Variants in MCTP2 observed in about 807,000 individuals in gnomAD.
MCTP2 encodes multiple C2 and transmembrane domain-containing protein 2.
A neutral mutation model predicts 111.6 loss-of-function variants in MCTP2; 132 were observed. The ratio of observed to expected loss-of-function variants is 1.18; its 90% CI spans 1.03 to 1.37. The LOEUF is 1.37. MCTP2 is among the 40% of genes most tolerant of loss of function. MCTP2 has a pLI of 0.00. For missense variants in MCTP2, 1,183 were observed against 1,067.9 expected (o/e 1.11, Z -1.50); for synonymous variants, 395 against 387.7 (o/e 1.02, Z -0.22).
chr15:94,293,712 A>T (rs1049809134), intron 1 of MCTP2, among the ~76,000 whole-genome samples: 14 of 152,234 alleles, frequency 9.2e-5, no homozygotes, highest in Non-Finnish European at 5.9e-5. Flanking sequence ...TCCTGATGGT[A>T]CTAAGTCCTC....
intron 7 of MCTP2, 173 bp downstream of exon 7, chr15:94,341,097 T>A (rs980725975): frequency 2.1e-5 from 11 of 516,336 alleles, no homozygotes; most frequent in African/African-American, 1.9e-4. Context: ...ATGCTCTTCT[T>A]TGAGGAACCG....
rs2080810608 is a variant in MCTP2 at position 94,390,072 on chromosome 15, ATATATATATATATATATGT to A, written c.1788+4548_1788+4566del. On this transcript the variant is annotated intron_variant, in intron 14 of 22. Coordinates refer to ENST00000357742, the MANE Select transcript of MCTP2 (RefSeq NM_001385001.1). ...GGCATATATATATATATATATATAT[ATATATATATATATATATGT>A]ATATATATATATATATATATATGTA... is the stretch of plus-strand genomic sequence containing the variant. Among the ~76,000 whole-genome samples the A allele has an allele frequency of 1.2e-4, 2 of 16,646 alleles. 1 individual carries two copies. Among genetic ancestry groups the A allele is most frequent in the Non-Finnish European group, 2.9e-4 (2 of 6,902 alleles). 10.9% of individuals were successfully genotyped at this position (16,646 alleles called of 152,430 possible).
chr15:94,347,721 G>A (rs1025276897), intron 8 of MCTP2, among the ~76,000 whole-genome samples: 3 of 151,936 alleles, frequency 2.0e-5, no homozygotes, highest in South Asian at 2.1e-4. Flanking sequence ...CTTATTTCCC[G>A]CTTTTCTAAT....
chr15:94,293,020 A>G (rs1182026353), intron 1 of MCTP2: 2 of 152,286 alleles, frequency 1.3e-5, no homozygotes, highest in South Asian at 2.1e-4. Context: ...ATTCACATGT[A>G]AAAAATGAAC....
intron 12 of MCTP2, among the ~76,000 whole-genome samples, chr15:94,373,366 C>T (rs2079587028): frequency 6.6e-6 from 1 of 151,976 alleles, no homozygotes; most frequent in African/African-American, 2.4e-5. Context: ...GTTGTTTTAT[C>T]TATAAAGGAA....
At chr15:94,314,436 TAAAAAA>T in intron 3 of MCTP2, 92 bp downstream of exon 3, 2 of 619,294 alleles carry the variant, frequency 3.2e-6, no homozygotes, top group Non-Finnish European at 2.6e-6. Flanking sequence ...CTTTTATTGC[TAAAAAA>T]AAAAAAAAAA....
At chr15:94,325,785 C>G (rs1244606065) in intron 4 of MCTP2, among the ~76,000 whole-genome samples, 2 of 145,622 alleles carry the variant, frequency 1.4e-5, no homozygotes, top group Admixed American at 1.4e-4. Context: ...TACCGAAATT[C>G]TGAACCTACT....
intron 9 of MCTP2, 51 bp from the exon 10 acceptor site, chr15:94,358,431 G>A (rs774571432): frequency 2.6e-6 from 4 of 1,524,198 alleles, no homozygotes; most frequent in Non-Finnish European, 3.6e-6. Flanking sequence ...AGCTTCTGTA[G>A]CAATGAATGA....
At position 94,330,192 on chromosome 15, in the gene MCTP2, A is replaced by G. The variant is rs912682579; in HGVS notation, c.638-9098A>G. Among the ~76,000 whole-genome samples, 5 of 152,174 alleles carry G rather than the reference A, an allele frequency of 3.3e-5. No individual in the cohort carries two copies. The East Asian group carries it at 5.8e-4, about 18-fold the overall frequency. Reference sequence around the variant, plus strand: ...TAAAGAAGCAGTGTAAAGCATGTCTATCTCCTTTTGTAGGATTAAAGGAGA... The same window carrying G: ...TAAAGAAGCAGTGTAAAGCATGTCTGTCTCCTTTTGTAGGATTAAAGGAGA... On this transcript the variant is annotated intron_variant, in intron 4 of 22. Transcript: ENST00000357742.
intron 1 of MCTP2, among the ~76,000 whole-genome samples, chr15:94,294,853 A>T (rs2075186580): frequency 6.7e-6 from 1 of 150,334 alleles, no homozygotes; most frequent in East Asian, 1.9e-4. Flanking sequence ...ACTCACGTTC[A>T]TCTCCTGTGG....
intron 1 of MCTP2, among the ~76,000 whole-genome samples, chr15:94,239,181 G>A (rs542142873): frequency 2.6e-5 from 4 of 152,164 alleles, no homozygotes; most frequent in South Asian, 4.1e-4. Flanking sequence ...GAGAACTTGG[G>A]TAATATATCA....
intron 17 of MCTP2, among the ~76,000 whole-genome samples, chr15:94,437,415 C>T (rs1026428567): frequency 6.6e-6 from 1 of 151,504 alleles, no homozygotes; most frequent in African/African-American, 2.4e-5. Flanking sequence ...AAAATTGTTC[C>T]GTTGCTATTT....
At chr15:94,297,015 G>C (rs896448136) in intron 1 of MCTP2, among the ~76,000 whole-genome samples, 1 of 152,158 alleles carries the variant, frequency 6.6e-6, no homozygotes, top group African/African-American at 2.4e-5. Context: ...GAAGGAGCTG[G>C]GGTGGGGCAC....
chr15:94,286,093 A>C (rs74854137), intron 1 of MCTP2, among the ~76,000 whole-genome samples: 1 of 152,232 alleles, frequency 6.6e-6, no homozygotes, highest in African/African-American at 2.4e-5. Context: ...AATTTATCTT[A>C]AAAGCAGGGA....
At chr15:94,254,669 A>AAGTGTCTAACGCTTAAGTG (rs2072653775) in intron 1 of MCTP2, among the ~76,000 whole-genome samples, 3 of 152,224 alleles carry the variant, frequency 2.0e-5, no homozygotes, top group African/African-American at 7.2e-5. Flanking sequence ...CAACTCAGCT[A>AAGTGTCTAACGCTTAAGTG]TCTAACGCTT....
chr15:94,245,886 A>T (rs1410248356), intron 1 of MCTP2, among the ~76,000 whole-genome samples: 5 of 152,012 alleles, frequency 3.3e-5, no homozygotes, highest in Non-Finnish European at 7.4e-5. Flanking sequence ...GGCAATAGAG[A>T]AAATGGAAAT....
intron 1 of MCTP2, among the ~76,000 whole-genome samples, chr15:94,243,768 T>G (rs2071363941): frequency 6.8e-6 from 1 of 147,680 alleles, no homozygotes; most frequent in Non-Finnish European, 1.5e-5. Context: ...TATGTGTATA[T>G]ATTTATGAAC....
chr15:94,338,268 TTAAC>T (rs1448779279), intron 4 of MCTP2, among the ~76,000 whole-genome samples: 3 of 152,100 alleles, frequency 2.0e-5, no homozygotes, highest in Non-Finnish European at 2.9e-5. Flanking sequence ...TGTTTCAAAA[TTAAC>T]TATAGTATTG....
At chr15:94,349,122 C>T (rs184978216) in intron 8 of MCTP2, among the ~76,000 whole-genome samples, 1 of 152,198 alleles carries the variant, frequency 6.6e-6, no homozygotes, top group East Asian at 1.9e-4. Context: ...ATGTCGTAAC[C>T]CTGATGCTTC....
Sources: allele counts gnomAD v4.1 joint callset (sites outside exome capture counted in the v4.1 genomes callset), GRCh38; gene constraint gnomAD v4.1.1; transcripts MANE v1.5; gene names NCBI Gene and HGNC (gene_info 2026-07-23, HGNC 2026-07-21).